The following COX15 variants were observed in gnomAD, a reference collection of about 807,000 sequenced individuals.
COX15 encodes the protein cytochrome c oxidase assembly factor COX15, also known as heme A synthase COX15.
COX15 carries 51 observed loss-of-function variants against 51.9 expected under a neutral mutation model. The observed-to-expected ratio is 0.98, with a 90% CI of 0.78 to 1.24. The LOEUF (loss-of-function observed/expected upper bound fraction) is 1.24, where lower values mean the gene tolerates loss of function less well. Among genes scored for constraint, COX15 ranks in the 50% most tolerant of loss-of-function variants. The pLI is 0.00. For missense variants in COX15, 420 were observed against 501.1 expected (o/e 0.84, Z 1.55); for synonymous variants, 188 against 190.5 (o/e 0.99, Z 0.11).
chr10:99,698,890 T>C, the COX15 span: 2 of 1,550,650 alleles, frequency 1.3e-6, no homozygotes, highest in Non-Finnish European at 8.7e-7. Context: ...TGGCTTATGC[T>C]GGCAGCAGCC....
At chr10:99,700,404 GTGTGTGTGTA>G in the COX15 span, among the ~76,000 whole-genome samples, 891 of 7,712 alleles carry the variant, frequency 0.12, 9 homozygotes, top group African/African-American at 0.18. Context: ...GTGTGTGTGT[GTGTGTGTGTA>G]TGTGTGTGTG....
In COX15 at chr10:99,711,671, A is replaced by G. The variant is rs2036392751; in HGVS notation, c.*2916T>C. On this transcript the variant is annotated 3_prime_UTR_variant, in exon 9 of 9. Transcript: ENST00000016171. ...ATTGTGACTTAATTGGTCTTAGATGAGGCTTGGGCTTTGGGATTTTTCTAA... is the reference window on the plus strand; with the variant it reads ...ATTGTGACTTAATTGGTCTTAGATGGGGCTTGGGCTTTGGGATTTTTCTAA... The G allele has an allele frequency of 1.0e-6, 1 of 985,268 alleles. No homozygotes were observed. The highest frequency in any genetic ancestry group is 1.2e-6 in the Non-Finnish European group (1 of 829,922). 61.0% of individuals were successfully genotyped at this position (985,268 alleles called of 1,614,324 possible). A position where few individuals can be genotyped will look rare whatever the true frequency, so the allele number is the denominator to read the frequency against.
the COX15 span, chr10:99,702,715 A>G: frequency 1.1e-5 from 17 of 1,526,154 alleles, no homozygotes; most frequent in Non-Finnish European, 1.5e-5. Context: ...AGCTCAGAGG[A>G]TATCAGTTGA....
At chr10:99,700,719 T>TAG in the COX15 span, 1 of 489,598 alleles carries the variant, frequency 2.0e-6, no homozygotes, top group Non-Finnish European at 3.6e-6. Flanking sequence ...TTGCTATTTG[T>TAG]TAGTCCTAAC....
At chr10:99,719,477 A>T (rs576536144) in intron 6 of COX15, among the ~76,000 whole-genome samples, 47 of 151,284 alleles carry the variant, frequency 3.1e-4, no homozygotes, top group African/African-American at 8.5e-4. Flanking sequence ...TACAGGCATA[A>T]GCCACCATGC....
At position 99,714,770 on chromosome 10, in the gene COX15, T is replaced by C. The variant is rs755200493; in HGVS notation, c.1102-52A>G. ...GAAAGGCAGTAACCCAAAGTTCACA[T>C]TGAAAATGGCCAGGCGTGGATAACC... On this transcript the variant is annotated intron_variant, in intron 8 of 8. Coordinates refer to ENST00000016171, the MANE Select transcript of COX15 (RefSeq NM_078470.6). 11 of 1,608,210 alleles carry C rather than the reference T, an allele frequency of 6.8e-6. No individual in the cohort carries two copies. The South Asian group carries it at 7.7e-5, about 11-fold the overall frequency.
At position 99,713,116 on chromosome 10, in the gene COX15, G is replaced by C. The variant is rs955949055; in HGVS notation, c.*1471C>G. 1 of 1,268,706 alleles carries C rather than the reference G, an allele frequency of 7.9e-7. No individual in the cohort carries two copies. Among genetic ancestry groups the C allele is most frequent in the Non-Finnish European group, 1.0e-6 (1 of 997,602 alleles). The allele number at this position is 1,268,706 out of a possible 1,614,324, so 78.6% of individuals were successfully genotyped here. On this transcript the variant is annotated 3_prime_UTR_variant, in exon 9 of 9. Transcript: ENST00000016171. ...TGTTAGGGGTATTTTGACTATGGCTGTGACACTTCTACTGATAAAACCTGA... is the reference window on the plus strand; with the variant it reads ...TGTTAGGGGTATTTTGACTATGGCTCTGACACTTCTACTGATAAAACCTGA...
chr10:99,708,360 T>C (rs1223181703), downstream of COX15, among the ~76,000 whole-genome samples: 1 of 152,222 alleles, frequency 6.6e-6, no homozygotes, highest in African/African-American at 2.4e-5. Context: ...GTTTTATGTT[T>C]TGTTTTTTGT....
the COX15 span, among the ~76,000 whole-genome samples, chr10:99,698,333 C>G: frequency 6.6e-6 from 1 of 152,152 alleles, no homozygotes; most frequent in Admixed American, 6.5e-5. Flanking sequence ...CAGAATTGAT[C>G]ACCATATTCC....
intron 6 of COX15, among the ~76,000 whole-genome samples, chr10:99,720,467 C>A (rs1439727691): frequency 1.3e-5 from 2 of 152,026 alleles, no homozygotes; most frequent in Non-Finnish European, 2.9e-5. Flanking sequence ...TGAAAAAATC[C>A]TGTGTTGGTC....
chr10:99,709,845 G>A, downstream of COX15: 1 of 985,266 alleles, frequency 1.0e-6, no homozygotes, highest in Non-Finnish European at 1.2e-6. Flanking sequence ...TTATCAGAGG[G>A]ACGAGGAAGG....
At chr10:99,725,343 T>A (rs919332712) in intron 4 of COX15, among the ~76,000 whole-genome samples, 1 of 152,262 alleles carries the variant, frequency 6.6e-6, no homozygotes, top group African/African-American at 2.4e-5. Context: ...ACGTACACAG[T>A]TGATTCACTA....
downstream of COX15, chr10:99,705,962 C>T (rs372264458): frequency 1.3e-5 from 2 of 152,166 alleles, no homozygotes; most frequent in Admixed American, 6.5e-5. Context: ...CATCAGGGTC[C>T]GCATGGAATC....
Position 99,711,383 on chromosome 10 carries a change from G to A in COX15, c.*3204C>T. 1.0e-6 allele frequency: 1 copy of A among 985,360 alleles called. No individual in the cohort carries two copies. Among genetic ancestry groups the A allele is most frequent in the Non-Finnish European group, 1.2e-6 (1 of 829,898 alleles). The allele number at this position is 985,360 out of a possible 1,614,324, so 61.0% of individuals were successfully genotyped here. A position where few individuals can be genotyped will look rare whatever the true frequency, so the allele number is the denominator to read the frequency against. ...TTTGAGGATCAGGAGAGGATGGTGT[G>A]GGAACCTGCCTCAGGAACTACAGTT... On this transcript the variant is annotated 3_prime_UTR_variant, in exon 9 of 9. Transcript: ENST00000016171.
intron 7 of COX15, among the ~76,000 whole-genome samples, chr10:99,717,284 G>T (rs1470087435): frequency 6.6e-6 from 1 of 152,178 alleles, no homozygotes; most frequent in Non-Finnish European, 1.5e-5. Context: ...TGTAGGTCAT[G>T]TTTCAAGCAT....
chr10:99,708,008 G>T (rs532095456), downstream of COX15, among the ~76,000 whole-genome samples: 12 of 152,264 alleles, frequency 7.9e-5, no homozygotes, highest in East Asian at 2.3e-3. Context: ...ACCAGGTGGT[G>T]AGCATAGTAC....
At chr10:99,696,405 G>A in the COX15 span, among the ~76,000 whole-genome samples, 444 of 152,304 alleles carry the variant, frequency 2.9e-3, 1 homozygote, top group Middle Eastern at 0.058. Context: ...AAAGGGAGAT[G>A]AATTAAATTG....
chr10:99,701,475 G>A, the COX15 span, among the ~76,000 whole-genome samples: 1 of 151,574 alleles, frequency 6.6e-6, no homozygotes, highest in Non-Finnish European at 1.5e-5. Flanking sequence ...TTTTTGTAGA[G>A]ACGGGGTTTC....
At chr10:99,710,199 T>A, downstream of COX15, 1 of 985,440 alleles carries the variant, frequency 1.0e-6, no homozygotes, top group African/African-American at 1.7e-5. Flanking sequence ...TACAGAGCAC[T>A]TGCCGGCATT....
Sources: gnomAD v4.1 joint callset for allele counts (sites outside exome capture counted in the v4.1 genomes callset) on GRCh38, gnomAD v4.1.1 for gene constraint, MANE v1.5 for transcripts, NCBI Gene and HGNC (gene_info 2026-07-23, HGNC 2026-07-21) for gene names.